The following RAMP1 variants were observed in gnomAD, a reference collection of about 807,000 sequenced individuals.
RAMP1 encodes receptor activity-modifying protein 1.
In RAMP1, 7 loss-of-function variants were observed where a neutral mutation model predicts 8.2. That is an observed-to-expected ratio of 0.85 (90% confidence interval 0.49 to 1.60). The LOEUF is 1.60. Ranked by LOEUF, RAMP1 falls within the 40% of genes most tolerant of loss-of-function variation. RAMP1 has a pLI of 0.00. For synonymous variants in RAMP1, 92 were observed against 84.7 expected (o/e 1.09, Z -0.47); for missense variants, 192 against 202.4 (o/e 0.95, Z 0.31).
chr2:237,883,912 C>T lies in RAMP1; in HGVS notation c.191+6550C>T, dbSNP rs1481758401. On this transcript the variant is annotated intron_variant, in intron 2 of 2. Coordinates refer to ENST00000254661, the MANE Select transcript of RAMP1 (RefSeq NM_005855.4). Reference sequence around the variant, plus strand: ...GTCCCTGCCCTGGCCTGTAGGTCCACTTTTTTTTTTTTTTTTTTTTTTTTG... The same window carrying T: ...GTCCCTGCCCTGGCCTGTAGGTCCATTTTTTTTTTTTTTTTTTTTTTTTTG... Among the ~76,000 whole-genome samples, 8 of 92,980 alleles carry T rather than the reference C, an allele frequency of 8.6e-5. No homozygotes were observed. In the Admixed American group the frequency reaches 8.8e-4, roughly 10 times the overall value. The allele number at this position is 92,980 out of a possible 152,430, so 61.0% of individuals were successfully genotyped here. A position where few individuals can be genotyped will look rare whatever the true frequency, so the allele number is the denominator to read the frequency against.
In RAMP1 at chr2:237,877,240, G is replaced by A. The variant is rs1234611597; in HGVS notation, c.69G>A (p.Met23Ile). ...LWLLLAHHLF[M>I]TTACQEANYG... ...CTATTTCAGCCCATCACCTCTTCAT[G>A]ACCACTGCCTGCCAGGAGGCTAACT... The change falls in exon 2 of 3, where the codon ATG becomes ATA. Residue 23 changes from methionine to isoleucine, a missense_variant. Coordinates refer to ENST00000254661, the MANE Select transcript of RAMP1 (RefSeq NM_005855.4). This position sits in a 1 kb window ranked among gnomAD's most constrained non-coding sequence, Gnocchi z 4.4. The A allele has an allele frequency of 6.2e-7, 1 of 1,613,950 alleles. No homozygotes were observed.
chr2:237,885,332 G>A (rs926111107), intron 2 of RAMP1, among the ~76,000 whole-genome samples: 30 of 152,304 alleles, frequency 2.0e-4, no homozygotes, highest in African/African-American at 5.5e-4. Context: ...CCTGCCCGCC[G>A]CCTGCCCCTG....
chr2:237,912,014 G>C lies in RAMP1; in HGVS notation c.*231G>C. On this transcript the variant is annotated 3_prime_UTR_variant, in exon 3 of 3. Coordinates refer to ENST00000254661, the MANE Select transcript of RAMP1 (RefSeq NM_005855.4). ...AGGAAGGGGGCAGGGACGTGACCTTGACTTACCTCTGGAAAGGGTCCCAGC... is the reference window on the plus strand; with the variant it reads ...AGGAAGGGGGCAGGGACGTGACCTTCACTTACCTCTGGAAAGGGTCCCAGC... The C allele has an allele frequency of 1.5e-6, 1 of 657,866 alleles. No individual in the cohort carries two copies. The highest frequency in any genetic ancestry group is 3.0e-5 in the Admixed American group (1 of 33,568). The allele number at this position is 657,866 out of a possible 1,614,324, so 40.8% of individuals were successfully genotyped here.
intron 1 of RAMP1, among the ~76,000 whole-genome samples, chr2:237,875,812 G>A (rs913245181): frequency 1.3e-5 from 2 of 152,086 alleles, no homozygotes; most frequent in African/African-American, 4.8e-5. Context: ...CATTGGGCCT[G>A]GAGTGGTGCT....
rs1163412423 is a variant in RAMP1, at chr2:237,877,963, A to C, written c.191+601A>C. The stretch of plus-strand genomic sequence containing the variant: ...TCAGCCTCCTGGGTGCTGGGCCCCC[A>C]TCAGCAGGCCGGGGGGTTCTCCCCA... On this transcript the variant is annotated intron_variant, in intron 2 of 2. Transcript: ENST00000254661. The surrounding 1 kb of genome is among the most constrained non-coding windows in gnomAD (Gnocchi z 4.4). 5 of 985,344 alleles carry C rather than the reference A, an allele frequency of 5.1e-6. No homozygotes were observed. The East Asian group carries it at 5.7e-4, about 112-fold the overall frequency. The allele number at this position is 985,344 out of a possible 1,614,324, so 61.0% of individuals were successfully genotyped here.
chr2:237,863,290 A>C (rs987932845), intron 1 of RAMP1, among the ~76,000 whole-genome samples: 1 of 152,120 alleles, frequency 6.6e-6, no homozygotes, highest in African/African-American at 2.4e-5. Flanking sequence ...CTTGGTGGCA[A>C]ATGAAGAGGC....
Position 237,912,021 on chromosome 2 carries a change from C to T in RAMP1, c.*238C>T, listed in dbSNP as rs1576563179. ...GGGCAGGGACGTGACCTTGACTTAC[C>T]TCTGGAAAGGGTCCCAGCCTAGACT... is the stretch of plus-strand genomic sequence containing the variant. On this transcript the variant is annotated 3_prime_UTR_variant, in exon 3 of 3. Coordinates refer to ENST00000254661, the MANE Select transcript of RAMP1 (RefSeq NM_005855.4). The T allele has an allele frequency of 4.7e-6, 3 of 634,440 alleles. No individual in the cohort carries two copies. The highest frequency in any genetic ancestry group is 8.0e-6 in the Non-Finnish European group (3 of 374,984). The allele number at this position is 634,440 out of a possible 1,614,324, so 39.3% of individuals were successfully genotyped here. A position where few individuals can be genotyped will look rare whatever the true frequency, so the allele number is the denominator to read the frequency against.
intron 1 of RAMP1, chr2:237,859,950 G>C: frequency 2.2e-6 from 1 of 448,222 alleles, no homozygotes; most frequent in South Asian, 4.0e-5. Context: ...GCTTCTCGCC[G>C]GGGAAGGGAC....
At chr2:237,885,810 C>T (rs182332564) in intron 2 of RAMP1, among the ~76,000 whole-genome samples, 7 of 152,368 alleles carry the variant, frequency 4.6e-5, no homozygotes, top group African/African-American at 1.2e-4. Flanking sequence ...CTCTGCCCCC[C>T]CTGGGTGGGA....
intron 2 of RAMP1, among the ~76,000 whole-genome samples, chr2:237,898,828 G>GCTCACT (rs1240522200): frequency 1.3e-5 from 2 of 152,208 alleles, no homozygotes; most frequent in African/African-American, 4.8e-5. Flanking sequence ...CGCCAGGCCA[G>GCTCACT]GCCACAGCGT....
rs1351493885 is a variant in RAMP1, at chr2:237,911,531, C to G, written c.195C>G (p.Ser65Arg). 1 of 1,613,942 alleles carries G rather than the reference C, an allele frequency of 6.2e-7. No homozygotes were observed. ...LWCDWGRTIR[S>R]YRELADCTWH... ...CCACCTCCTCTTCCATCCGCAGGAG[C>G]TACAGGGAGCTGGCCGACTGCACCT... Residue 65 changes from serine (S) to arginine (R), a missense_variant, in exon 3 of 3, where the codon AGC (serine) becomes AGG (arginine). Transcript: ENST00000254661.
chr2:237,894,004 CTG>C (rs1193364661), intron 2 of RAMP1, among the ~76,000 whole-genome samples: 2 of 126,710 alleles, frequency 1.6e-5, no homozygotes, highest in South Asian at 2.5e-4. Context: ...CAGTCTCACT[CTG>C]TCACCCAGGC....
At chr2:237,904,789 G>T (rs1304454599) in intron 2 of RAMP1, among the ~76,000 whole-genome samples, 4 of 152,146 alleles carry the variant, frequency 2.6e-5, no homozygotes, top group Non-Finnish European at 5.9e-5. Context: ...CTTAATAGGA[G>T]ACTAAGACTT....
intron 2 of RAMP1, among the ~76,000 whole-genome samples, chr2:237,884,759 A>T (rs2062410016): frequency 6.6e-6 from 1 of 152,210 alleles, no homozygotes; most frequent in Non-Finnish European, 1.5e-5. Flanking sequence ...TAAAGCTTCC[A>T]GGTTTGTAAA....
At chr2:237,860,224 G>C (rs1559932202) in intron 1 of RAMP1, among the ~76,000 whole-genome samples, 1 of 152,354 alleles carries the variant, frequency 6.6e-6, no homozygotes, top group Middle Eastern at 3.4e-3. Context: ...ATGGAAATTA[G>C]TCAACACTGA....
intron 1 of RAMP1, among the ~76,000 whole-genome samples, chr2:237,874,984 G>C (rs1172968273): frequency 6.6e-6 from 1 of 152,168 alleles, no homozygotes; most frequent in Admixed American, 6.5e-5. Context: ...ATTCACCAGA[G>C]AAAGGCAGTG....
At chr2:237,859,913 G>T (rs892554990) in intron 1 of RAMP1, 186 bp downstream of exon 1, 2 of 523,014 alleles carry the variant, frequency 3.8e-6, no homozygotes, top group African/African-American at 4.1e-5. Flanking sequence ...GGGCACAGGG[G>T]AGGCGGAGGG....
In RAMP1 at chr2:237,877,973, CG is replaced by C. The variant is rs1015756025; in HGVS notation, c.191+617del. ...GGGTGCTGGGCCCCCATCAGCAGGC[CG>C]GGGGGTTCTCCCCAGCAGGCCCAGG... is the stretch of plus-strand genomic sequence containing the variant. On this transcript the variant is annotated intron_variant, in intron 2 of 2. Coordinates refer to ENST00000254661, the MANE Select transcript of RAMP1 (RefSeq NM_005855.4). This position sits in a 1 kb window ranked among gnomAD's most constrained non-coding sequence, Gnocchi z 4.4. 3.0e-6 allele frequency: 3 copies of C among 985,288 alleles called. No homozygotes were observed. The highest frequency in any genetic ancestry group is 3.6e-6 in the Non-Finnish European group (3 of 829,902). 61.0% of individuals were successfully genotyped at this position (985,288 alleles called of 1,614,324 possible). A position where few individuals can be genotyped will look rare whatever the true frequency, so the allele number is the denominator to read the frequency against.
At position 237,865,376 on chromosome 2, in the gene RAMP1, A is replaced by C. The variant is rs2062177863; in HGVS notation, c.52+5649A>C. 6.7e-6 allele frequency among the ~76,000 whole-genome samples: 1 copy of C among 149,396 alleles called. No homozygotes were observed. The highest frequency in any genetic ancestry group is 6.6e-5 in the Admixed American group (1 of 15,042). On this transcript the variant is annotated intron_variant, in intron 1 of 2. Coordinates refer to ENST00000254661, the MANE Select transcript of RAMP1 (RefSeq NM_005855.4). This position sits in a 1 kb window ranked among gnomAD's most constrained non-coding sequence, Gnocchi z 4.2. ...TAGAGAGGAGAGTGCAGGGGAGGGG[A>C]GATGACACCCCAGGCCACAGCCAGG...
Sources: gnomAD v4.1 joint callset for allele counts (sites outside exome capture counted in the v4.1 genomes callset) on GRCh38, gnomAD v4.1.1 for gene constraint, Gnocchi (gnomAD v3.1) non-coding constraint, MANE v1.5 for transcripts, NCBI Gene and HGNC (gene_info 2026-07-23, HGNC 2026-07-21) for gene names.